The following ANKRD44 variants were observed in gnomAD, a reference collection of about 807,000 sequenced individuals.
ANKRD44 encodes the protein serine/threonine-protein phosphatase 6 regulatory ankyrin repeat subunit B.
ANKRD44 carries 35 observed loss-of-function variants against 116.0 expected under a neutral mutation model. The observed-to-expected ratio is 0.30, with a 90% CI of 0.23 to 0.40. The LOEUF (loss-of-function observed/expected upper bound fraction) is 0.40. Ranked by LOEUF, ANKRD44 falls within the 10% of genes least tolerant of loss-of-function variation. The pLI is 1.00. For missense variants in ANKRD44, 1,014 were observed against 1,242.6 expected (o/e 0.82, Z 2.77); for synonymous variants, 435 against 461.8 (o/e 0.94, Z 0.74).
rs2084057380 is a variant in ANKRD44, at chr2:197,305,967, T to TATATATATA, written c.27+4610_27+4611insTATATATAT. On this transcript the variant is annotated intron_variant, in intron 1 of 27. Transcript: ENST00000282272. ...TTTCCTATAATGACCGCAGTTCGTT[T>TATATATATA]TATATATATATATATATATATATAT... Among the ~76,000 whole-genome samples the TATATATATA allele has an allele frequency of 4.3e-4, 54 of 124,736 alleles. 1 individual carries two copies. The highest frequency in any genetic ancestry group is 1.9e-3 in the African/African-American group (51 of 27,536). 81.8% of individuals were successfully genotyped at this position (124,736 alleles called of 152,430 possible). A position where few individuals can be genotyped will look rare whatever the true frequency, so the allele number is the denominator to read the frequency against.
chr2:197,105,239 G>A (rs1040824810), intron 9 of ANKRD44, among the ~76,000 whole-genome samples: 7 of 151,868 alleles, frequency 4.6e-5, no homozygotes, highest in African/African-American at 1.5e-4. Flanking sequence ...TCATCCTCCC[G>A]AGTAGCTGGG....
Position 196,987,393 on chromosome 2 carries a change from G to C in ANKRD44, c.*2198C>G, listed in dbSNP as rs2075850119. ...ATGAAAAAATACAAAACATTCCACAGAACATTTTCAGAATATACAAATATA... is the reference window on the plus strand; with the variant it reads ...ATGAAAAAATACAAAACATTCCACACAACATTTTCAGAATATACAAATATA... On this transcript the variant is annotated 3_prime_UTR_variant, in exon 28 of 28. Transcript: ENST00000282272. 1.0e-6 allele frequency: 1 copy of C among 984,724 alleles called. No individual in the cohort carries two copies. Among genetic ancestry groups the C allele is most frequent in the African/African-American group, 1.7e-5 (1 of 57,170 alleles). 61.0% of individuals were successfully genotyped at this position (984,724 alleles called of 1,614,324 possible).
chr2:197,154,461 G>A (rs2079754735), intron 2 of ANKRD44, among the ~76,000 whole-genome samples: 1 of 152,128 alleles, frequency 6.6e-6, no homozygotes, highest in South Asian at 2.1e-4. Flanking sequence ...TTACAGGCGT[G>A]AGCCACCGCG....
chr2:197,273,979 AAATATATATATATATATAT>A lies in ANKRD44; in HGVS notation c.27+36580_27+36598del, dbSNP rs1233031947. On this transcript the variant is annotated intron_variant, in intron 1 of 27. Transcript: ENST00000282272. Reference sequence around the variant, plus strand: ...CAACCACAAAAAAAAAAAAAAAAAAAAATATATATATATATATATATATATATATATATATATATATATA... The same window carrying A: ...CAACCACAAAAAAAAAAAAAAAAAAAATATATATATATATATATATATATA... Among the ~76,000 whole-genome samples, 20 of 50,010 alleles carry A rather than the reference AAATATATATATATATATAT, an allele frequency of 4.0e-4. 1 individual carries two copies. Among genetic ancestry groups the A allele is most frequent in the East Asian group, 1.6e-3 (4 of 2,426 alleles). 32.8% of individuals were successfully genotyped at this position (50,010 alleles called of 152,430 possible). A position where few individuals can be genotyped will look rare whatever the true frequency, so the allele number is the denominator to read the frequency against.
chr2:197,166,561 C>A (rs7595352), intron 2 of ANKRD44, among the ~76,000 whole-genome samples: 21,583 of 152,208 alleles, frequency 0.14, 1,729 homozygotes, highest in Middle Eastern at 0.19. Flanking sequence ...AAAGTAAATT[C>A]TTTAGAAAGA....
chr2:197,077,332 A>G (rs1441618433), intron 16 of ANKRD44, among the ~76,000 whole-genome samples: 1 of 152,038 alleles, frequency 6.6e-6, no homozygotes, highest in African/African-American at 2.4e-5. Flanking sequence ...CACTTGTATC[A>G]AAGACAGGCC....
chr2:196,973,796 CATG>C (rs1407906997), intron 21 of ANKRD44, among the ~76,000 whole-genome samples: 1 of 152,154 alleles, frequency 6.6e-6, no homozygotes, highest in Non-Finnish European at 1.5e-5. Context: ...TTAAAACTTC[CATG>C]ATTTCCTATT....
At chr2:196,982,997 G>A (rs925121534), downstream of ANKRD44, among the ~76,000 whole-genome samples, 4 of 152,040 alleles carry the variant, frequency 2.6e-5, no homozygotes, top group Admixed American at 6.6e-5. Context: ...TGGACACAGG[G>A]AGGGGTATAT....
chr2:197,011,529 G>A, intron 18 of ANKRD44, among the ~76,000 whole-genome samples: 1 of 150,792 alleles, frequency 6.6e-6, no homozygotes, highest in Non-Finnish European at 1.5e-5. Context: ...CTGGAGTGCA[G>A]TGGCGTGAAC....
chr2:197,031,501 C>A (rs796597822), intron 16 of ANKRD44, among the ~76,000 whole-genome samples: 20 of 152,230 alleles, frequency 1.3e-4, no homozygotes, highest in African/African-American at 3.9e-4. Flanking sequence ...TACCACCATG[C>A]CCAGCTATGT....
intron 2 of ANKRD44, among the ~76,000 whole-genome samples, chr2:197,179,589 A>AG (rs1463835933): frequency 6.6e-6 from 1 of 152,272 alleles, no homozygotes; most frequent in African/African-American, 2.4e-5. Flanking sequence ...AATAATACTA[A>AG]TGCCATACAC....
intron 17 of ANKRD44, among the ~76,000 whole-genome samples, chr2:197,024,044 C>A (rs986423262): frequency 8.5e-5 from 13 of 152,048 alleles, no homozygotes; most frequent in Admixed American, 3.3e-4. Context: ...GGGAGACAGG[C>A]AGTGAAAGGA....
chr2:197,158,326 G>T (rs1368695360), intron 2 of ANKRD44, among the ~76,000 whole-genome samples: 2 of 152,210 alleles, frequency 1.3e-5, no homozygotes, highest in African/African-American at 2.4e-5. Context: ...TTGAACACAT[G>T]GTGGGAATGT....
chr2:197,100,243 T>C (rs1033373990), intron 9 of ANKRD44, among the ~76,000 whole-genome samples: 1 of 152,100 alleles, frequency 6.6e-6, no homozygotes, highest in African/African-American at 2.4e-5. Context: ...CAGACCAGCC[T>C]GACCAACATG....
intron 27 of ANKRD44, 166 bp from the exon 28 acceptor site, chr2:196,989,815 A>C: frequency 7.2e-7 from 1 of 1,398,510 alleles, no homozygotes; most frequent in Non-Finnish European, 9.3e-7. Context: ...CTTGACTGAG[A>C]AGCTCATTTT....
At chr2:196,979,418 A>G (rs368602388) in intron 21 of ANKRD44, among the ~76,000 whole-genome samples, 5 of 150,146 alleles carry the variant, frequency 3.3e-5, no homozygotes, top group African/African-American at 1.2e-4. Flanking sequence ...AATGAATAGC[A>G]TCTACTTTCT....
intron 16 of ANKRD44, among the ~76,000 whole-genome samples, chr2:197,068,464 G>A (rs1289202855): frequency 2.0e-5 from 3 of 148,584 alleles, no homozygotes; most frequent in Admixed American, 6.7e-5. Flanking sequence ...TTGACAAATG[G>A]GATCTAATTA....
chr2:197,122,458 G>A (rs2078878489), intron 7 of ANKRD44, among the ~76,000 whole-genome samples, 192 bp downstream of exon 7: 1 of 152,172 alleles, frequency 6.6e-6, no homozygotes, highest in South Asian at 2.1e-4. Flanking sequence ...AAGTTATTCA[G>A]TTTCCAGTTT....
At chr2:197,264,299 C>T (rs939205262) in intron 1 of ANKRD44, among the ~76,000 whole-genome samples, 2 of 152,100 alleles carry the variant, frequency 1.3e-5, no homozygotes, top group African/African-American at 2.4e-5. Context: ...TATGCTCAGA[C>T]CATTATAGAT....
Sources: gnomAD v4.1 joint callset for allele counts (sites outside exome capture counted in the v4.1 genomes callset) on GRCh38, gnomAD v4.1.1 for gene constraint, MANE v1.5 for transcripts, NCBI Gene and HGNC (gene_info 2026-07-23, HGNC 2026-07-21) for gene names.